Variants in FHIP1A observed in about 807,000 individuals in gnomAD.
FHIP1A encodes FHF complex subunit HOOK-interacting protein 1A.
FHIP1A carries 61 observed loss-of-function variants against 88.6 expected under a neutral mutation model. That is an observed-to-expected ratio of 0.69 (90% CI 0.56 to 0.85). The LOEUF (loss-of-function observed/expected upper bound fraction) is 0.85, where lower values mean the gene tolerates loss of function less well. Among genes scored for constraint, FHIP1A ranks in the 40% least tolerant of loss-of-function variants. The probability of loss-of-function intolerance (pLI) is 0.00; values close to 1 mark genes in which losing one functional copy is unlikely to be tolerated. For synonymous variants in FHIP1A, 478 were observed against 496.0 expected, an observed-to-expected ratio of 0.96 and a Z score of 0.48; for missense variants, 1,154 against 1,273.5, an observed-to-expected ratio of 0.91 and a Z score of 1.43.
At chr4:151,432,219 AC>A (rs34761890) in intron 1 of FHIP1A, among the ~76,000 whole-genome samples, 10 of 152,236 alleles carry the variant, frequency 6.6e-5, no homozygotes, top group African/African-American at 2.4e-4. Context: ...TATCAAGATC[AC>A]CAACTCACAG....
intron 3 of FHIP1A, among the ~76,000 whole-genome samples, chr4:151,489,371 G>A (rs576516322): frequency 1.3e-5 from 2 of 152,322 alleles, no homozygotes; most frequent in East Asian, 3.9e-4. Context: ...AGCAGAATTG[G>A]GGAGGGGCCA....
chr4:151,587,068 T>C (rs1734245566), intron 6 of FHIP1A, among the ~76,000 whole-genome samples: 2 of 150,452 alleles, frequency 1.3e-5, no homozygotes, highest in Non-Finnish European at 3.0e-5. Flanking sequence ...CCATCAAAAA[T>C]AAGTTCAATG....
chr4:151,443,724 T>TGTGTGTGTGTGTGTGTGTGTGTGTG (rs370363970), intron 1 of FHIP1A, among the ~76,000 whole-genome samples: 1 of 148,170 alleles, frequency 6.7e-6, no homozygotes, highest in Non-Finnish European at 1.5e-5. Flanking sequence ...TGTGTGTGTG[T>TGTGTGTGTGTGTGTGTGTGTGTGTG]TTAGTACTGG....
intron 7 of FHIP1A, among the ~76,000 whole-genome samples, chr4:151,607,205 A>T (rs185158036): frequency 4.1e-4 from 63 of 152,318 alleles, no homozygotes; most frequent in Admixed American, 9.2e-4. Context: ...CTGTCTACTC[A>T]GTTCCCCTGG....
chr4:151,501,823 A>ACTAAAC (rs1730658881), intron 3 of FHIP1A, among the ~76,000 whole-genome samples: 1 of 147,034 alleles, frequency 6.8e-6, no homozygotes, highest in East Asian at 2.0e-4. Flanking sequence ...TTTTAAATAT[A>ACTAAAC]TTCTGGATAC....
chr4:151,448,222 C>T lies in FHIP1A; in HGVS notation c.-355-6479C>T, dbSNP rs573122202. On this transcript the variant is annotated intron_variant, in intron 1 of 13. Coordinates refer to ENST00000435205, the MANE Select transcript of FHIP1A (RefSeq NM_001109977.3). ...GTGTGAACCTCTGCACCTGGCCTAG[C>T]CTCCAGAATTTTGAGAAAATAAATT... is the stretch of plus-strand genomic sequence containing the variant. 2.0e-5 allele frequency among the ~76,000 whole-genome samples: 3 copies of T among 152,086 alleles called. No individual in the cohort carries two copies. In the South Asian group the frequency reaches 6.2e-4, roughly 32 times the overall value.
intron 1 of FHIP1A, among the ~76,000 whole-genome samples, chr4:151,451,895 A>G (rs1261141811): frequency 6.7e-6 from 1 of 149,574 alleles, no homozygotes; most frequent in Non-Finnish European, 1.5e-5. Context: ...CTCACGGCTC[A>G]TTACAGCCTT....
intron 3 of FHIP1A, among the ~76,000 whole-genome samples, chr4:151,526,361 G>C (rs1731636547): frequency 6.7e-6 from 1 of 150,190 alleles, no homozygotes; most frequent in African/African-American, 2.4e-5. Context: ...TCACCTCCCA[G>C]ACGAGGCGGC....
chr4:151,631,057 A>C (rs976872784), intron 8 of FHIP1A, among the ~76,000 whole-genome samples: 4 of 152,222 alleles, frequency 2.6e-5, no homozygotes, highest in African/African-American at 9.6e-5. Flanking sequence ...AAAAGAAGAA[A>C]GAGCTCAAAG....
chr4:151,591,232 A>G (rs1734415273), intron 7 of FHIP1A, among the ~76,000 whole-genome samples: 1 of 152,034 alleles, frequency 6.6e-6, no homozygotes. Context: ...CAGGACAGGA[A>G]ATCAGAAGCA....
chr4:151,549,731 A>G (rs1188509182), intron 3 of FHIP1A, among the ~76,000 whole-genome samples: 1 of 152,108 alleles, frequency 6.6e-6, no homozygotes, highest in African/African-American at 2.4e-5. Flanking sequence ...ACTTTACTCT[A>G]TGGACTCACC....
At chr4:151,501,701 T>C (rs1730654050) in intron 3 of FHIP1A, among the ~76,000 whole-genome samples, 1 of 152,024 alleles carries the variant, frequency 6.6e-6, no homozygotes, top group African/African-American at 2.4e-5. Context: ...ATGTTTTTTA[T>C]GTTGGTCATT....
chr4:151,620,086 A>G (rs1255912422), intron 7 of FHIP1A, among the ~76,000 whole-genome samples: 2 of 152,206 alleles, frequency 1.3e-5, no homozygotes, highest in African/African-American at 4.8e-5. Flanking sequence ...ATGTAAACAA[A>G]ATTTCATTTC....
At chr4:151,553,054 A>G (rs1732807573) in intron 3 of FHIP1A, among the ~76,000 whole-genome samples, 1 of 152,158 alleles carries the variant, frequency 6.6e-6, no homozygotes, top group Non-Finnish European at 1.5e-5. Flanking sequence ...AATTGCACAT[A>G]CAGGAATGTG....
At chr4:151,621,067 C>G (rs1735724781) in intron 7 of FHIP1A, among the ~76,000 whole-genome samples, 1 of 152,158 alleles carries the variant, frequency 6.6e-6, no homozygotes, top group Non-Finnish European at 1.5e-5. Flanking sequence ...GCAAGATTTT[C>G]TTCAAGTAAG....
intron 5 of FHIP1A, among the ~76,000 whole-genome samples, 175 bp from the exon 6 acceptor site, chr4:151,586,466 C>G (rs1047658973): frequency 6.6e-6 from 1 of 152,168 alleles, no homozygotes; most frequent in Non-Finnish European, 1.5e-5. Flanking sequence ...TCCTTCCCTA[C>G]TGTCTTCACC....
chr4:151,415,666 A>G (rs1321408005), intron 1 of FHIP1A, among the ~76,000 whole-genome samples: 1 of 152,186 alleles, frequency 6.6e-6, no homozygotes, highest in East Asian at 1.9e-4. Context: ...CATTTCCTCT[A>G]GTAGTGTCCC....
chr4:151,513,621 A>G (rs1234108904), intron 3 of FHIP1A, among the ~76,000 whole-genome samples: 1 of 152,062 alleles, frequency 6.6e-6, no homozygotes, highest in Admixed American at 6.6e-5. Flanking sequence ...TACCAAGCCA[A>G]TGGAAAACAA....
intron 1 of FHIP1A, among the ~76,000 whole-genome samples, chr4:151,430,084 TC>T (rs1733538077): frequency 2.0e-5 from 3 of 152,194 alleles, no homozygotes; most frequent in Admixed American, 2.0e-4. Flanking sequence ...AGGCTAATGC[TC>T]CTCTGGATGT....
Sources: gnomAD v4.1 joint callset for allele counts (sites outside exome capture counted in the v4.1 genomes callset) on GRCh38, gnomAD v4.1.1 for gene constraint, MANE v1.5 for transcripts, NCBI Gene and HGNC (gene_info 2026-07-23, HGNC 2026-07-21) for gene names.